NCKAP5: variants seen among roughly 807,000 people sequenced by gnomAD.
NCKAP5 encodes nck-associated protein 5.
NCKAP5 carries 92 observed loss-of-function variants against 167.0 expected under a neutral mutation model. That is an observed-to-expected ratio of 0.55 (90% CI 0.47 to 0.66). The LOEUF (loss-of-function observed/expected upper bound fraction) is 0.66, where lower values mean the gene tolerates loss of function less well. Ranked by LOEUF, NCKAP5 falls within the 30% of genes least tolerant of loss-of-function variation. NCKAP5 has a pLI of 0.00. For synonymous variants in NCKAP5, 891 were observed against 877.4 expected (o/e 1.02, Z -0.27); for missense variants, 2,378 against 2,315.0 (o/e 1.03, Z -0.56).
At chr2:133,604,291 C>T in the NCKAP5 span, among the ~76,000 whole-genome samples, 6 of 151,964 alleles carry the variant, frequency 3.9e-5, no homozygotes, top group African/African-American at 7.3e-5. Context: ...CTGCAACCTC[C>T]GCCTCCTGGT....
chr2:133,629,979 C>T, the NCKAP5 span, among the ~76,000 whole-genome samples: 1 of 151,208 alleles, frequency 6.6e-6, no homozygotes, highest in African/African-American at 2.4e-5. Context: ...TGGGGCCTGT[C>T]GAGGGGGTGG....
At chr2:133,348,457 G>T (rs1196550833) in intron 3 of NCKAP5, among the ~76,000 whole-genome samples, 1 of 151,964 alleles carries the variant, frequency 6.6e-6, no homozygotes, top group Non-Finnish European at 1.5e-5. Flanking sequence ...CACAAAAACT[G>T]CATTTTTGGG....
chr2:132,882,239 C>A (rs906946811), intron 8 of NCKAP5, among the ~76,000 whole-genome samples: 2 of 152,164 alleles, frequency 1.3e-5, no homozygotes, highest in African/African-American at 4.8e-5. Context: ...CTTCCTCTTA[C>A]TTGGGGAATG....
intron 4 of NCKAP5, among the ~76,000 whole-genome samples, chr2:133,289,619 A>G (rs1464007334): frequency 6.6e-6 from 1 of 151,970 alleles, no homozygotes; most frequent in South Asian, 2.1e-4. Flanking sequence ...TGAACCCAGG[A>G]GGTGAAGGTT....
rs114986174 is a variant in NCKAP5, at chr2:132,709,806, C to A, written c.5713+15821G>T. ...TCTAACTTATACAACTTATAAAGAA[C>A]TGAAAAATAGGGAATATTTCCCATT... is the stretch of plus-strand genomic sequence containing the variant. On this transcript the variant is annotated intron_variant, in intron 19 of 19. Transcript: ENST00000409261. Among the ~76,000 whole-genome samples, 968 of 152,038 alleles carry A rather than the reference C, an allele frequency of 6.4e-3. 13 individuals carry two copies. The highest frequency in any genetic ancestry group is 0.022 in the African/African-American group (902 of 41,504).
At chr2:132,971,265 T>A (rs2076827000) in intron 7 of NCKAP5, among the ~76,000 whole-genome samples, 1 of 152,092 alleles carries the variant, frequency 6.6e-6, no homozygotes. Context: ...TGGGAGAGGT[T>A]TCCCAGAATG....
At chr2:133,577,194 T>C in the NCKAP5 span, among the ~76,000 whole-genome samples, 1 of 152,120 alleles carries the variant, frequency 6.6e-6, no homozygotes, top group Non-Finnish European at 1.5e-5. Flanking sequence ...CTGCTAACTT[T>C]GGCCCCAGGG....
chr2:133,217,563 C>T (rs1574412214), intron 4 of NCKAP5, among the ~76,000 whole-genome samples: 1 of 152,056 alleles, frequency 6.6e-6, no homozygotes, highest in East Asian at 1.9e-4. Context: ...ACAACAGTAG[C>T]AACCAAAAAT....
At chr2:133,141,491 G>T (rs1419280273) in intron 5 of NCKAP5, among the ~76,000 whole-genome samples, 1 of 151,666 alleles carries the variant, frequency 6.6e-6, no homozygotes, top group African/African-American at 2.4e-5. Flanking sequence ...TTCCTTCAGT[G>T]AATGGGTATA....
rs750434580 is a variant in NCKAP5, at chr2:132,788,205, C to T, written c.1092+1818G>A. Among the ~76,000 whole-genome samples the T allele has an allele frequency of 5.3e-5, 8 of 152,208 alleles. No individual in the cohort carries two copies. The East Asian group carries it at 5.8e-4, about 11-fold the overall frequency. ...TCACAGGCAGATCCATCCTTTGCTG[C>T]GAAAGTTGGAAGAGAGTTGCTCTTG... On this transcript the variant is annotated intron_variant, in intron 13 of 19. Transcript: ENST00000409261.
intron 3 of NCKAP5, among the ~76,000 whole-genome samples, chr2:133,318,495 T>C (rs1681776307): frequency 6.6e-6 from 1 of 152,190 alleles, no homozygotes. Context: ...TGATACAACC[T>C]GATGTAAACA....
At chr2:133,218,142 A>G (rs2086511042) in intron 4 of NCKAP5, among the ~76,000 whole-genome samples, 1 of 152,190 alleles carries the variant, frequency 6.6e-6, no homozygotes. Context: ...ATATAAATAA[A>G]AATGTAATTT....
chr2:132,783,713 G>A lies in NCKAP5; in HGVS notation c.3098C>T (p.Ala1033Val). The A allele has an allele frequency of 6.2e-7, 1 of 1,612,638 alleles. No homozygotes were observed. Among genetic ancestry groups the A allele is most frequent in the South Asian group, 1.1e-5 (1 of 90,854 alleles). ...HAPSSSFTVMALGPPKVSPKR... is the reference protein window; with the variant it reads ...HAPSSSFTVMVLGPPKVSPKR... ...CGGAGAGACCTTTGGAGGCCCCAGAGCCATTACGGTGAAGGAGCTGGAGGG... is the reference window on the plus strand; with the variant it reads ...CGGAGAGACCTTTGGAGGCCCCAGAACCATTACGGTGAAGGAGCTGGAGGG... Residue 1033 changes from alanine (A) to valine (V), a missense_variant, in exon 14 of 20, where the codon GCT becomes GTT. Physicochemically the swap from Ala to Val is moderately conservative, Grantham distance 64 (BLOSUM62 0). Coordinates refer to ENST00000409261, the MANE Select transcript of NCKAP5 (RefSeq NM_207363.3).
chr2:132,876,184 A>C (rs2148798801), intron 9 of NCKAP5, among the ~76,000 whole-genome samples: 1 of 152,286 alleles, frequency 6.6e-6, no homozygotes, highest in South Asian at 2.1e-4. Flanking sequence ...TCCTGGGCCC[A>C]AGAGATCCTA....
rs77668609 is a variant in NCKAP5 at position 133,170,777 on chromosome 2, A to G, written c.208-40666T>C. On this transcript the variant is annotated intron_variant, in intron 5 of 19. Coordinates refer to ENST00000409261, the MANE Select transcript of NCKAP5 (RefSeq NM_207363.3). ...TCTTCTTTTCTACATTTCATTCCAT[A>G]TTGTCCTTGTGGATGTCCCATTTCA... Among the ~76,000 whole-genome samples the G allele has an allele frequency of 4.6e-3, 707 of 152,146 alleles. 1 individual carries two copies. Among genetic ancestry groups the G allele is most frequent in the African/African-American group, 0.016 (661 of 41,492 alleles).
chr2:133,166,194 A>G (rs575719767), intron 5 of NCKAP5, among the ~76,000 whole-genome samples: 13 of 152,314 alleles, frequency 8.5e-5, no homozygotes, highest in African/African-American at 2.6e-4. Context: ...GGAGAGAAAC[A>G]TTCCACAGAG....
chr2:132,869,269 C>T (rs1690606834), intron 9 of NCKAP5, among the ~76,000 whole-genome samples: 1 of 152,114 alleles, frequency 6.6e-6, no homozygotes, highest in Admixed American at 6.6e-5. Context: ...TCATATACTC[C>T]AAGAAGGCTA....
At chr2:132,881,219 G>A (rs546084425) in intron 8 of NCKAP5, among the ~76,000 whole-genome samples, 1 of 152,206 alleles carries the variant, frequency 6.6e-6, no homozygotes, top group South Asian at 2.1e-4. Context: ...TTGTTGCCCA[G>A]GCTGGAGTAC....
At chr2:132,676,000 G>A (rs1360964600) in intron 19 of NCKAP5, among the ~76,000 whole-genome samples, 1 of 152,168 alleles carries the variant, frequency 6.6e-6, no homozygotes, top group African/African-American at 2.4e-5. Flanking sequence ...TCTCTAGGCA[G>A]AGCAGCCATA....
Sources: allele counts gnomAD v4.1 joint callset (sites outside exome capture counted in the v4.1 genomes callset), GRCh38; gene constraint gnomAD v4.1.1; transcripts MANE v1.5; gene names NCBI Gene and HGNC (gene_info 2026-07-23, HGNC 2026-07-21).